SLC9C2: variants seen among roughly 807,000 people sequenced by gnomAD.
The protein encoded by SLC9C2 is solute carrier family 9 member C2 (putative).
Under a neutral mutation model 140.2 loss-of-function variants are expected in SLC9C2, and 75 were observed. The observed-to-expected ratio is 0.53, with a 90% CI of 0.44 to 0.65. The LOEUF is 0.65. Ranked by LOEUF, SLC9C2 falls within the 30% of genes least tolerant of loss-of-function variation. The pLI, the probability that SLC9C2 is intolerant of heterozygous loss-of-function variation, is 0.00. For missense variants in SLC9C2, 1,074 were observed against 1,331.8 expected, an observed-to-expected ratio of 0.81 and a Z score of 3.01; for synonymous variants, 375 against 420.9, an observed-to-expected ratio of 0.89 and a Z score of 1.34.
intron 23 of SLC9C2, among the ~76,000 whole-genome samples, chr1:173,515,227 G>T (rs1660334163): frequency 6.6e-6 from 1 of 152,116 alleles, no homozygotes; most frequent in South Asian, 2.1e-4. Flanking sequence ...AGTTCTCCTG[G>T]ATAACATCCT....
chr1:173,538,064 A>G (rs1662104096), intron 13 of SLC9C2, among the ~76,000 whole-genome samples: 1 of 152,240 alleles, frequency 6.6e-6, no homozygotes, highest in Non-Finnish European at 1.5e-5. Flanking sequence ...ATATCTCAAG[A>G]CAATTCTCAT....
chr1:173,522,781 G>A (rs964057734), intron 21 of SLC9C2, among the ~76,000 whole-genome samples: 13 of 152,246 alleles, frequency 8.5e-5, no homozygotes, highest in Admixed American at 8.5e-4. Context: ...GCTCCTGCCA[G>A]GGACCTCTGT....
intron 4 of SLC9C2, among the ~76,000 whole-genome samples, chr1:173,592,716 C>A (rs1395114015): frequency 2.0e-5 from 3 of 152,142 alleles, no homozygotes; most frequent in Non-Finnish European, 4.4e-5. Flanking sequence ...TATCCTGCAA[C>A]TTTGCTGAAG....
chr1:173,539,236 G>T (rs1037008631), intron 13 of SLC9C2, among the ~76,000 whole-genome samples: 1 of 152,180 alleles, frequency 6.6e-6, no homozygotes, highest in African/African-American at 2.4e-5. Context: ...TAAGCAGGAA[G>T]GAGGTATAGT....
chr1:173,561,862 G>GAC (rs1034067865), intron 9 of SLC9C2, among the ~76,000 whole-genome samples: 147 of 122,264 alleles, frequency 1.2e-3, no homozygotes, highest in East Asian at 2.9e-3. Flanking sequence ...CACAGACACA[G>GAC]ACACACACAC....
At position 173,503,279 on chromosome 1, in the gene SLC9C2, T is replaced by G. The variant is rs1659406012; in HGVS notation, c.3358A>C (p.Arg1120=). 1.9e-6 allele frequency: 3 copies of G among 1,613,678 alleles called. No homozygotes were observed. The South Asian group carries it at 3.3e-5, about 18-fold the overall frequency. ...CAAGTTTATTACCTCATCTTTTGTC[T>G]TCCATTTATATTCTTTCCTGGTTGT... is the stretch of plus-strand genomic sequence containing the variant. The part of the protein sequence containing the change: ...FEQPGKNING[R]QKMS The change falls in exon 27 of 28, where the codon AGA becomes CGA. Residue 1120 remains arginine, a synonymous_variant. Transcript: ENST00000367714.
At chr1:173,550,950 G>A (rs1292783247) in intron 11 of SLC9C2, among the ~76,000 whole-genome samples, 2 of 150,952 alleles carry the variant, frequency 1.3e-5, no homozygotes, top group Admixed American at 1.3e-4. Context: ...GGGGAGGGGA[G>A]CAAGTCCATA....
At chr1:173,564,376 CTT>C (rs1469938807) in intron 9 of SLC9C2, among the ~76,000 whole-genome samples, 5 of 152,112 alleles carry the variant, frequency 3.3e-5, no homozygotes, top group Non-Finnish European at 7.4e-5. Context: ...TATTGCCTGT[CTT>C]TTGGATAAAA....
chr1:173,587,575 G>C, intron 5 of SLC9C2, 90 bp downstream of exon 5: 2 of 1,221,806 alleles, frequency 1.6e-6, no homozygotes, highest in Non-Finnish European at 1.1e-6. Flanking sequence ...ATTCTTCTGG[G>C]TGCACAATTC....
chr1:173,513,220 G>A (rs1660171260), intron 23 of SLC9C2, among the ~76,000 whole-genome samples: 1 of 152,176 alleles, frequency 6.6e-6, no homozygotes, highest in African/African-American at 2.4e-5. Context: ...ACTCTTTGGA[G>A]TAGTTTCAGA....
At chr1:173,562,223 A>G (rs988222386) in intron 9 of SLC9C2, among the ~76,000 whole-genome samples, 1 of 152,150 alleles carries the variant, frequency 6.6e-6, no homozygotes, top group Non-Finnish European at 1.5e-5. Flanking sequence ...GGCCAAATTA[A>G]TCTTTGTCAA....
At chr1:173,572,260 T>C (rs1280756738) in intron 9 of SLC9C2, among the ~76,000 whole-genome samples, 2 of 152,222 alleles carry the variant, frequency 1.3e-5, no homozygotes, top group South Asian at 2.1e-4. Context: ...GATGATAAGA[T>C]GGCTACTGAT....
chr1:173,508,237 AAAAAAATCTT>A (rs1401445002), intron 24 of SLC9C2, among the ~76,000 whole-genome samples: 2 of 152,070 alleles, frequency 1.3e-5, no homozygotes, highest in African/African-American at 4.8e-5. Flanking sequence ...ATTTAGAGGG[AAAAAAATCTT>A]AATTGGCTAG....
intron 27 of SLC9C2, among the ~76,000 whole-genome samples, chr1:173,502,392 C>T (rs1161942433): frequency 2.0e-5 from 3 of 151,502 alleles, no homozygotes; most frequent in Non-Finnish European, 4.4e-5. Context: ...TGGCCCACTT[C>T]TGCATTTGTC....
At chr1:173,521,214 A>G (rs950878116) in intron 22 of SLC9C2, 87 bp downstream of exon 22, 3 of 742,824 alleles carry the variant, frequency 4.0e-6, no homozygotes, top group African/African-American at 3.7e-5. Context: ...AAACTTTTTC[A>G]GTATCTAAAT....
rs368631119 is a variant in SLC9C2 at position 173,568,110 on chromosome 1, C to T, written c.1046+5072G>A. On this transcript the variant is annotated intron_variant, in intron 9 of 27. Coordinates refer to ENST00000367714, the MANE Select transcript of SLC9C2 (RefSeq NM_178527.4). ...CATTTCTACTTAGGAGTAGTTTACACACCACAATTACAGCGTTTTTTAAAT... is the reference window on the plus strand; with the variant it reads ...CATTTCTACTTAGGAGTAGTTTACATACCACAATTACAGCGTTTTTTAAAT... 2.2e-4 allele frequency among the ~76,000 whole-genome samples: 33 copies of T among 152,228 alleles called. 1 individual carries two copies. The South Asian group carries it at 6.6e-3, about 31-fold the overall frequency.
chr1:173,584,757 C>T (rs979960597), intron 5 of SLC9C2, among the ~76,000 whole-genome samples: 2 of 151,930 alleles, frequency 1.3e-5, no homozygotes, highest in Admixed American at 6.6e-5. Flanking sequence ...TTTTTTGTTC[C>T]TCCCTCTCTT....
chr1:173,586,005 T>A (rs754867689), intron 5 of SLC9C2, among the ~76,000 whole-genome samples: 7 of 152,032 alleles, frequency 4.6e-5, no homozygotes, highest in Non-Finnish European at 1.0e-4. Context: ...GACTTTCTAC[T>A]GTACTCCTTT....
At chr1:173,529,811 G>A (rs1461212346) in intron 18 of SLC9C2, 94 bp downstream of exon 18, 1 of 1,376,068 alleles carries the variant, frequency 7.3e-7, no homozygotes, top group Non-Finnish European at 9.8e-7. Context: ...GTTGGAATTT[G>A]TCTGTTTCGT....
Sources: allele counts gnomAD v4.1 joint callset (sites outside exome capture counted in the v4.1 genomes callset), GRCh38; gene constraint gnomAD v4.1.1; transcripts MANE v1.5; gene names NCBI Gene and HGNC (gene_info 2026-07-23, HGNC 2026-07-21).